The following PTPRD variants were observed in gnomAD, a reference collection of about 807,000 sequenced individuals.
PTPRD encodes protein tyrosine phosphatase receptor type D.
In PTPRD, 34 loss-of-function variants were observed where a neutral mutation model predicts 214.5. That is an observed-to-expected ratio of 0.16 (90% confidence interval 0.12 to 0.21). The LOEUF is 0.21. Ranked by LOEUF, PTPRD falls within the 10% of genes least tolerant of loss-of-function variation. The pLI is 1.00. For missense variants in PTPRD, 2,545 were observed against 2,398.7 expected, an observed-to-expected ratio of 1.06 and a Z score of -1.27; for synonymous variants, 1,128 against 845.7, an observed-to-expected ratio of 1.33 and a Z score of -5.79.
At chr9:10,583,855 T>A (rs997130013) in intron 2 of PTPRD, among the ~76,000 whole-genome samples, 1 of 152,166 alleles carries the variant, frequency 6.6e-6, no homozygotes, top group African/African-American at 2.4e-5. Context: ...GAAGGGCAGC[T>A]GTCAGAAGCG....
intron 2 of PTPRD, among the ~76,000 whole-genome samples, chr9:10,453,951 T>A (rs554933774): frequency 1.3e-5 from 2 of 151,768 alleles, no homozygotes; most frequent in East Asian, 3.9e-4. Context: ...ATGGCCTTTA[T>A]CATGTTGAGG....
chr9:8,990,428 G>A (rs927770233), intron 11 of PTPRD, among the ~76,000 whole-genome samples: 3 of 152,116 alleles, frequency 2.0e-5, no homozygotes, highest in African/African-American at 7.2e-5. Flanking sequence ...AACTGTGTAG[G>A]TAGCACATAG....
intron 2 of PTPRD, among the ~76,000 whole-genome samples, chr9:10,387,799 A>T (rs1329960709): frequency 1.7e-4 from 21 of 120,302 alleles, no homozygotes; most frequent in East Asian, 1.3e-3. Flanking sequence ...AATACGATTT[A>T]AAAAAAAAAA....
chr9:8,326,243 C>T (rs141443948), intron 44 of PTPRD, among the ~76,000 whole-genome samples: 1 of 152,090 alleles, frequency 6.6e-6, no homozygotes, highest in Non-Finnish European at 1.5e-5. Context: ...AGATACGTTC[C>T]ATCAGTACCT....
At chr9:9,450,095 GGTGTGT>G (rs535344466) in intron 8 of PTPRD, among the ~76,000 whole-genome samples, 13 of 146,112 alleles carry the variant, frequency 8.9e-5, no homozygotes, top group Non-Finnish European at 1.7e-4. Context: ...AGTATTCCAT[GGTGTGT>G]GTGTGTGTGT....
At chr9:8,871,168 G>C (rs915208735) in intron 11 of PTPRD, among the ~76,000 whole-genome samples, 2 of 152,032 alleles carry the variant, frequency 1.3e-5, no homozygotes, top group Non-Finnish European at 2.9e-5. Flanking sequence ...TAAAAGCCCT[G>C]GGCATATGTT....
intron 9 of PTPRD, among the ~76,000 whole-genome samples, chr9:9,323,362 A>G (rs1055564737): frequency 6.6e-6 from 1 of 152,196 alleles, no homozygotes; most frequent in East Asian, 1.9e-4. Context: ...TTCTTGAACC[A>G]ACCATGAGAG....
chr9:9,856,593 A>C lies in PTPRD; in HGVS notation c.-368+81914T>G, dbSNP rs138812293. On this transcript the variant is annotated intron_variant, in intron 5 of 45. Transcript: ENST00000381196. The stretch of plus-strand genomic sequence containing the variant: ...AATGGGATGAGTGACAATTCCCAGC[A>C]ATCAGAGAGGAAATGAATTGTTAAA... Among the ~76,000 whole-genome samples the C allele has an allele frequency of 7.1e-3, 1,072 of 151,174 alleles. 5 individuals carry two copies. The highest frequency in any genetic ancestry group is 0.012 in the Non-Finnish European group (791 of 67,756).
intron 2 of PTPRD, among the ~76,000 whole-genome samples, chr9:10,582,753 C>T (rs908064780): frequency 1.3e-5 from 2 of 152,042 alleles, no homozygotes; most frequent in African/African-American, 4.8e-5. Flanking sequence ...GAATTAATAA[C>T]ACTAAACAAA....
chr9:8,514,494 T>C (rs2097747940), intron 21 of PTPRD, among the ~76,000 whole-genome samples: 1 of 152,012 alleles, frequency 6.6e-6, no homozygotes, highest in African/African-American at 2.4e-5. Context: ...CATAAAAATG[T>C]TCTTCCTTCC....
At chr9:8,657,584 T>C (rs1412940536) in intron 12 of PTPRD, among the ~76,000 whole-genome samples, 1 of 152,218 alleles carries the variant, frequency 6.6e-6, no homozygotes, top group Non-Finnish European at 1.5e-5. Context: ...TCCCGTTCTG[T>C]AGGTTATCCG....
intron 10 of PTPRD, among the ~76,000 whole-genome samples, chr9:9,094,444 C>T (rs74473822): frequency 1.1e-3 from 169 of 152,110 alleles, no homozygotes; most frequent in African/African-American, 4.0e-3. Context: ...TCGTATGTTC[C>T]CACTTATAAG....
Position 9,640,154 on chromosome 9 carries a change from T to C in PTPRD, c.-286-65373A>G, listed in dbSNP as rs145962992. 4.8e-3 allele frequency among the ~76,000 whole-genome samples: 725 copies of C among 152,304 alleles called. 4 individuals carry two copies. Among genetic ancestry groups the C allele is most frequent in the African/African-American group, 0.016 (677 of 41,560 alleles). ...TTGATTCAAGAGCAGATATGTGGTGTTGGGCAAAATAAATCAGAGTACCCC... is the reference window on the plus strand; with the variant it reads ...TTGATTCAAGAGCAGATATGTGGTGCTGGGCAAAATAAATCAGAGTACCCC... On this transcript the variant is annotated intron_variant, in intron 7 of 45. Coordinates refer to ENST00000381196, the MANE Select transcript of PTPRD (RefSeq NM_002839.4).
At chr9:9,667,058 G>T (rs1401779295) in intron 7 of PTPRD, among the ~76,000 whole-genome samples, 1 of 151,906 alleles carries the variant, frequency 6.6e-6, no homozygotes, top group Non-Finnish European at 1.5e-5. Context: ...AAATTTGTTA[G>T]CCAGTCTTTA....
intron 42 of PTPRD, among the ~76,000 whole-genome samples, chr9:8,339,559 AC>A (rs371860536): frequency 2.2e-4 from 34 of 152,266 alleles, no homozygotes; most frequent in African/African-American, 8.2e-4. Flanking sequence ...ACTTGGCTAA[AC>A]CCTGCAGAGT....
At chr9:9,702,756 A>T (rs2097528613) in intron 7 of PTPRD, among the ~76,000 whole-genome samples, 1 of 152,188 alleles carries the variant, frequency 6.6e-6, no homozygotes, top group Non-Finnish European at 1.5e-5. Flanking sequence ...ATGCATAAAA[A>T]GAGCAGTAAA....
At chr9:9,700,588 G>C (rs1470906594) in intron 7 of PTPRD, among the ~76,000 whole-genome samples, 1 of 152,078 alleles carries the variant, frequency 6.6e-6, no homozygotes, top group African/African-American at 2.4e-5. Flanking sequence ...AATTGTTACA[G>C]AAATGATAAA....
chr9:10,443,413 G>A lies in PTPRD; in HGVS notation c.-599-102396C>T, dbSNP rs888622624. Among the ~76,000 whole-genome samples, 3 of 151,584 alleles carry A rather than the reference G, an allele frequency of 2.0e-5. No individual in the cohort carries two copies. The South Asian group carries it at 6.2e-4, about 31-fold the overall frequency. On this transcript the variant is annotated intron_variant, in intron 2 of 45. Coordinates refer to ENST00000381196, the MANE Select transcript of PTPRD (RefSeq NM_002839.4). Reference sequence around the variant, plus strand: ...AGAGTCAATGTACTGTTCACCAACTGTCCCTTGAATCAAACGAAATTTGAC... The same window carrying A: ...AGAGTCAATGTACTGTTCACCAACTATCCCTTGAATCAAACGAAATTTGAC...
intron 8 of PTPRD, among the ~76,000 whole-genome samples, chr9:9,466,508 A>G (rs2094167289): frequency 6.6e-6 from 1 of 152,188 alleles, no homozygotes; most frequent in African/African-American, 2.4e-5. Flanking sequence ...ATTGAAGCAA[A>G]GGAACTCGCT....
Sources: allele counts gnomAD v4.1 joint callset (sites outside exome capture counted in the v4.1 genomes callset), GRCh38; gene constraint gnomAD v4.1.1; transcripts MANE v1.5; gene names NCBI Gene and HGNC (gene_info 2026-07-23, HGNC 2026-07-21).